Variants in STX17 observed in about 807,000 individuals in gnomAD.
The protein encoded by STX17 is syntaxin 17.
In STX17, 29 loss-of-function variants were observed where a neutral mutation model predicts 35.9. That is an observed-to-expected ratio of 0.81 (90% CI 0.60 to 1.10). The LOEUF is 1.10. Ranked by LOEUF, STX17 falls within the 50% of genes least tolerant of loss-of-function variation. The pLI, the probability that STX17 is intolerant of heterozygous loss-of-function variation, is 0.00. For synonymous variants in STX17, 92 were observed against 118.3 expected, an observed-to-expected ratio of 0.78 and a Z score of 1.44; for missense variants, 312 against 352.3, an observed-to-expected ratio of 0.89 and a Z score of 0.92.
chr9:99,922,098 C>T (rs1316736114), intron 2 of STX17, among the ~76,000 whole-genome samples: 1 of 152,134 alleles, frequency 6.6e-6, no homozygotes, highest in African/African-American at 2.4e-5. Context: ...GATACCATCC[C>T]CAGTCAGATA....
chr9:99,922,021 T>C (rs991354277), intron 2 of STX17, among the ~76,000 whole-genome samples: 1 of 152,168 alleles, frequency 6.6e-6, no homozygotes, highest in Non-Finnish European at 1.5e-5. Context: ...ATCCACCCTA[T>C]CATTTGTCAC....
intron 3 of STX17, among the ~76,000 whole-genome samples, chr9:99,948,696 T>A (rs1829533911): frequency 6.6e-6 from 1 of 152,150 alleles, no homozygotes; most frequent in Admixed American, 6.5e-5. Flanking sequence ...TAGCCACTAT[T>A]TATGTTTTTG....
chr9:99,946,932 A>G (rs1829497404), intron 3 of STX17, among the ~76,000 whole-genome samples: 1 of 151,972 alleles, frequency 6.6e-6, no homozygotes, highest in East Asian at 1.9e-4. Context: ...TCTTCTGGCT[A>G]GGTGTATTTT....
chr9:99,946,081 TCAAAAACAAAAA>T (rs748830143), intron 3 of STX17, among the ~76,000 whole-genome samples: 11 of 152,128 alleles, frequency 7.2e-5, no homozygotes, highest in Admixed American at 4.6e-4. Context: ...AGACTCCATC[TCAAAAACAAAAA>T]CAAAAACAAA....
intron 6 of STX17, among the ~76,000 whole-genome samples, chr9:99,966,349 T>C (rs1353742631): frequency 6.6e-6 from 1 of 152,190 alleles, no homozygotes; most frequent in African/African-American, 2.4e-5. Context: ...ACATATTTTG[T>C]GTATGAGAAG....
intron 1 of STX17, 179 bp downstream of exon 1, chr9:99,906,885 C>T (rs1828559074): frequency 6.6e-6 from 1 of 152,260 alleles, no homozygotes; most frequent in Non-Finnish European, 1.5e-5. Flanking sequence ...CGCTTGGTTT[C>T]GTTTTTGGAA....
At chr9:99,938,088 G>C (rs1386284654) in intron 3 of STX17, 1 of 152,294 alleles carries the variant, frequency 6.6e-6, no homozygotes, top group Non-Finnish European at 1.5e-5. Flanking sequence ...TGAGTGCTGG[G>C]TACTGTTCTC....
chr9:99,926,802 GTCTT>G (rs1399066604), intron 2 of STX17, among the ~76,000 whole-genome samples: 6 of 152,070 alleles, frequency 3.9e-5, no homozygotes, highest in South Asian at 4.1e-4. Flanking sequence ...CCAGCCTTGA[GTCTT>G]TCTTTTAACC....
At chr9:99,914,656 TATC>T (rs1007310201) in intron 1 of STX17, among the ~76,000 whole-genome samples, 3 of 152,204 alleles carry the variant, frequency 2.0e-5, no homozygotes, top group African/African-American at 4.8e-5. Flanking sequence ...CATATTATGT[TATC>T]ATATATTTGA....
At chr9:99,933,785 A>G (rs1032391716) in intron 3 of STX17, among the ~76,000 whole-genome samples, 1 of 152,196 alleles carries the variant, frequency 6.6e-6, no homozygotes, top group African/African-American at 2.4e-5. Context: ...AATTTAAAAC[A>G]CATTGTAATT....
chr9:99,947,487 T>C (rs1176457488), intron 3 of STX17, among the ~76,000 whole-genome samples: 2 of 152,196 alleles, frequency 1.3e-5, no homozygotes, highest in African/African-American at 4.8e-5. Context: ...TAATCTTTGA[T>C]TGGTGGACAT....
intron 3 of STX17, among the ~76,000 whole-genome samples, chr9:99,942,404 T>G (rs1197028743): frequency 1.3e-5 from 2 of 152,202 alleles, no homozygotes; most frequent in Non-Finnish European, 2.9e-5. Context: ...TTTCACTGTC[T>G]TAGTGGTGTT....
At position 99,915,344 on chromosome 9, in the gene STX17, C is replaced by T; in HGVS notation, c.105C>T (p.His35=). 2.5e-6 allele frequency: 4 copies of T among 1,603,666 alleles called. No individual in the cohort carries two copies. Among genetic ancestry groups the T allele is most frequent in the Non-Finnish European group, 3.4e-6 (4 of 1,175,654 alleles). The change falls in exon 2 of 8, where the codon CAC becomes CAT. Residue 35 remains histidine (H), a synonymous_variant. Transcript: ENST00000259400. Reference sequence around the variant, plus strand: ...CAGACCTGGAAAGGTTAAGAAAGCACCAGATAAATATTGAGAAGGTGAGCT... The same window carrying T: ...CAGACCTGGAAAGGTTAAGAAAGCATCAGATAAATATTGAGAAGGTGAGCT... ...IPTDLERLRK[H]QINIEKYQRC... is the part of the protein sequence containing the mutation.
chr9:99,930,317 G>A (rs1829092562), intron 3 of STX17, among the ~76,000 whole-genome samples: 2 of 151,080 alleles, frequency 1.3e-5, no homozygotes, highest in African/African-American at 4.9e-5. Context: ...GCCCAGGCTG[G>A]AGTGCAGTGG....
chr9:99,956,325 C>A (rs919816469), intron 4 of STX17, among the ~76,000 whole-genome samples: 1 of 152,014 alleles, frequency 6.6e-6, no homozygotes, highest in Non-Finnish European at 1.5e-5. Context: ...TCATTGCATA[C>A]CCTCGCAAAC....
chr9:99,959,005 C>T (rs1361838189), intron 4 of STX17, among the ~76,000 whole-genome samples: 1 of 152,152 alleles, frequency 6.6e-6, no homozygotes, highest in Non-Finnish European at 1.5e-5. Context: ...GACTGATTAT[C>T]ATTAATAAAA....
chr9:99,968,029 G>C (rs928690633), intron 7 of STX17, among the ~76,000 whole-genome samples: 1 of 152,196 alleles, frequency 6.6e-6, no homozygotes, highest in Non-Finnish European at 1.5e-5. Flanking sequence ...GTATGTGACA[G>C]CACACATGGA....
chr9:99,970,948 G>A lies in STX17; in HGVS notation c.*2275G>A, dbSNP rs1830006076. Among the ~76,000 whole-genome samples, 1 of 152,144 alleles carries A rather than the reference G, an allele frequency of 6.6e-6. No individual in the cohort carries two copies. On this transcript the variant is annotated 3_prime_UTR_variant, in exon 8 of 8. Transcript: ENST00000259400. ...CTCATATAAGCCCTTGACTTTTACT[G>A]CTCATCAGGATTGGAATATTACTCT... is the stretch of plus-strand genomic sequence containing the variant.
chr9:99,919,529 G>A (rs10760700), intron 2 of STX17, among the ~76,000 whole-genome samples: 105,804 of 152,024 alleles, frequency 0.7, 37,119 homozygotes, highest in African/African-American at 0.75. Flanking sequence ...AGCTTCCAAA[G>A]TGTTGCAAAA....
Sources: gnomAD v4.1 joint callset for allele counts (sites outside exome capture counted in the v4.1 genomes callset) on GRCh38, gnomAD v4.1.1 for gene constraint, MANE v1.5 for transcripts, NCBI Gene and HGNC (gene_info 2026-07-23, HGNC 2026-07-21) for gene names.